ZEB1: variants seen among roughly 807,000 people sequenced by gnomAD.
ZEB1 encodes the protein zinc finger E-box-binding homeobox 1.
In ZEB1, 21 loss-of-function variants were observed where a neutral mutation model predicts 84.9. The observed-to-expected ratio is 0.25, with a 90% CI of 0.18 to 0.36. The LOEUF is 0.36. Ranked by LOEUF, ZEB1 falls within the 10% of genes least tolerant of loss-of-function variation. The pLI, the probability that ZEB1 is intolerant of heterozygous loss-of-function variation, is 1.00. For missense variants in ZEB1, 1,104 were observed against 1,330.2 expected (o/e 0.83, Z 2.65); for synonymous variants, 420 against 471.1 (o/e 0.89, Z 1.41).
At chr10:31,324,121 C>T (rs1481956380) in intron 1 of ZEB1, among the ~76,000 whole-genome samples, 1 of 151,798 alleles carries the variant, frequency 6.6e-6, no homozygotes, top group African/African-American at 2.4e-5. Flanking sequence ...CACAAAGTCA[C>T]GAGATACATT....
intron 1 of ZEB1, among the ~76,000 whole-genome samples, chr10:31,418,558 T>G (rs968163414): frequency 6.6e-6 from 1 of 152,034 alleles, no homozygotes; most frequent in Non-Finnish European, 1.5e-5. Context: ...ACAGAACTAG[T>G]TTGGTTTTGA....
At chr10:31,444,764 T>C (rs2059540450) in intron 1 of ZEB1, among the ~76,000 whole-genome samples, 1 of 151,894 alleles carries the variant, frequency 6.6e-6, no homozygotes, top group South Asian at 2.1e-4. Context: ...TTCTGTTCCA[T>C]TGATCTATAT....
At chr10:31,506,643 A>G (rs1039809484) in intron 4 of ZEB1, among the ~76,000 whole-genome samples, 1 of 152,022 alleles carries the variant, frequency 6.6e-6, no homozygotes, top group Non-Finnish European at 1.5e-5. Context: ...CTTTCAGTCT[A>G]TATGGATCTT....
chr10:31,397,089 C>T (rs2135395738), intron 1 of ZEB1, among the ~76,000 whole-genome samples: 1 of 147,748 alleles, frequency 6.8e-6, no homozygotes, highest in Non-Finnish European at 1.5e-5. Context: ...GATCTCGGCT[C>T]ACTGCAACCT....
chr10:31,339,225 T>C (rs2038870879), intron 1 of ZEB1, among the ~76,000 whole-genome samples: 1 of 152,210 alleles, frequency 6.6e-6, no homozygotes, highest in South Asian at 2.1e-4. Context: ...AGCTTCTCTT[T>C]GTGCTTTTTG....
Position 31,521,127 on chromosome 10 carries a change from G to C in ZEB1, c.1795G>C (p.Ala599Pro). The C allele has an allele frequency of 6.2e-7, 1 of 1,614,030 alleles. No homozygotes were observed. Among genetic ancestry groups the C allele is most frequent in the Non-Finnish European group, 8.5e-7 (1 of 1,180,002 alleles). ...PLKNLLSLLK[A>P]YYALNAQPSA... ...AAAGAACCTCTTGTCTCTCCTAAAA[G>C]CATATTATGCTTTGAATGCACAACC... Residue 599 changes from alanine (A) to proline (P), a missense_variant, in exon 7 of 9, where the codon GCA becomes CCA. Ala to Pro is a conservative substitution (Grantham distance 27). Coordinates refer to ENST00000424869, the MANE Select transcript of ZEB1 (RefSeq NM_001174096.2).
At chr10:31,385,578 G>C (rs2048478123) in intron 1 of ZEB1, among the ~76,000 whole-genome samples, 1 of 150,120 alleles carries the variant, frequency 6.7e-6, no homozygotes, top group Non-Finnish European at 1.5e-5. Flanking sequence ...CCAGGCTGGA[G>C]TGCAGTGGCA....
In ZEB1 at chr10:31,359,656, ACT is replaced by A. The variant is rs572845982; in HGVS notation, c.58+40367_58+40368del. Among the ~76,000 whole-genome samples the A allele has an allele frequency of 1.1e-3, 174 of 152,154 alleles. 1 individual carries two copies. Among genetic ancestry groups the A allele is most frequent in the African/African-American group, 4.0e-3 (166 of 41,530 alleles). On this transcript the variant is annotated intron_variant, in intron 1 of 8. Transcript: ENST00000424869. ...TATTAACTATATTTATAATTTGTACACTCTATTCTGTTTGGAAAGTACAAAAT... is the reference window on the plus strand; with the variant it reads ...TATTAACTATATTTATAATTTGTACACTATTCTGTTTGGAAAGTACAAAAT...
At chr10:31,489,050 T>C (rs1174807484) in intron 2 of ZEB1, among the ~76,000 whole-genome samples, 5 of 151,292 alleles carry the variant, frequency 3.3e-5, no homozygotes, top group Non-Finnish European at 7.4e-5. Context: ...TTCTGTCAGT[T>C]AATGCAAGAG....
rs1016650134 is a variant in ZEB1 at position 31,399,025 on chromosome 10, C to G, written c.59-62012C>G. Among the ~76,000 whole-genome samples, 7 of 139,484 alleles carry G rather than the reference C, an allele frequency of 5.0e-5. 1 individual carries two copies. The highest frequency in any genetic ancestry group is 1.1e-4 in the Non-Finnish European group (7 of 66,008). 91.5% of individuals were successfully genotyped at this position (139,484 alleles called of 152,430 possible). A position where few individuals can be genotyped will look rare whatever the true frequency, so the allele number is the denominator to read the frequency against. ...TTTTTTTTTGATATGGAGTTTTGCT[C>G]TGTCTCCCAAGCTGGAGTGAGTGCA... On this transcript the variant is annotated intron_variant, in intron 1 of 8. Transcript: ENST00000424869.
chr10:31,467,952 G>A (rs777832358), intron 2 of ZEB1, among the ~76,000 whole-genome samples: 3 of 152,172 alleles, frequency 2.0e-5, no homozygotes, highest in South Asian at 2.1e-4. Flanking sequence ...GGCTGCCAGG[G>A]TGGACACTGG....
At chr10:31,442,947 G>A (rs576859149) in intron 1 of ZEB1, among the ~76,000 whole-genome samples, 1 of 152,204 alleles carries the variant, frequency 6.6e-6, no homozygotes, top group African/African-American at 2.4e-5. Flanking sequence ...ACACATGTAG[G>A]CAACTTTTCC....
chr10:31,394,948 C>CAG (rs138192063), intron 1 of ZEB1, among the ~76,000 whole-genome samples: 7,338 of 152,120 alleles, frequency 0.048, 561 homozygotes, highest in African/African-American at 0.17. Flanking sequence ...GATGAAGAAT[C>CAG]ATACACCAGA....
chr10:31,363,597 C>G, intron 1 of ZEB1: 1 of 1,519,916 alleles, frequency 6.6e-7, no homozygotes, highest in Non-Finnish European at 8.8e-7. Flanking sequence ...CTTCTGCGCT[C>G]ACCTCCGTCT....
chr10:31,333,115 G>T (rs1245030823), intron 1 of ZEB1, among the ~76,000 whole-genome samples: 1 of 152,028 alleles, frequency 6.6e-6, no homozygotes, highest in South Asian at 2.1e-4. Context: ...TTCAAAAATG[G>T]TATAAAGCAG....
intron 1 of ZEB1, among the ~76,000 whole-genome samples, chr10:31,342,541 CTG>C (rs1457731995): frequency 6.6e-6 from 1 of 152,068 alleles, no homozygotes; most frequent in African/African-American, 2.4e-5. Flanking sequence ...TATTGAATCT[CTG>C]TAGGCGTCGA....
chr10:31,429,760 T>TTTTTTTG (rs1491537631), intron 1 of ZEB1, among the ~76,000 whole-genome samples: 1 of 138,558 alleles, frequency 7.2e-6, no homozygotes, highest in South Asian at 2.3e-4. Context: ...TTTTTTTTTT[T>TTTTTTTG]GAGACGAAGT....
At chr10:31,518,180 C>T (rs2071529069) in intron 6 of ZEB1, among the ~76,000 whole-genome samples, 1 of 152,052 alleles carries the variant, frequency 6.6e-6, no homozygotes, top group Non-Finnish European at 1.5e-5. Flanking sequence ...CCACTGGAAA[C>T]TTTTGTCTGT....
rs548615284 is a variant in ZEB1, at chr10:31,331,081, C to CTTTTTTTTTTTTTTTTTT, written c.58+11798_58+11815dup. ...ATTTTCTTTTCTTTTTTCTTTCTTT[C>CTTTTTTTTTTTTTTTTTT]TTTTTTTTTTTTTTTTTTTTTTTTT... On this transcript the variant is annotated intron_variant, in intron 1 of 8. Transcript: ENST00000424869. Among the ~76,000 whole-genome samples the CTTTTTTTTTTTTTTTTTT allele has an allele frequency of 6.7e-4, 52 of 77,848 alleles. 1 individual carries two copies. Among genetic ancestry groups the CTTTTTTTTTTTTTTTTTT allele is most frequent in the African/African-American group, 1.5e-3 (26 of 17,530 alleles). 51.1% of individuals were successfully genotyped at this position (77,848 alleles called of 152,430 possible). A position where few individuals can be genotyped will look rare whatever the true frequency, so the allele number is the denominator to read the frequency against.
Sources: allele counts gnomAD v4.1 joint callset (sites outside exome capture counted in the v4.1 genomes callset), GRCh38; gene constraint gnomAD v4.1.1; transcripts MANE v1.5; gene names NCBI Gene and HGNC (gene_info 2026-07-23, HGNC 2026-07-21).